Variants in TNRC6B observed in about 807,000 individuals in gnomAD.
The protein encoded by TNRC6B is trinucleotide repeat containing adaptor 6B, also known as trinucleotide repeat-containing gene 6B protein.
TNRC6B carries 52 observed loss-of-function variants against 203.6 expected under a neutral mutation model. The ratio of observed to expected loss-of-function variants is 0.26; its 90% confidence interval spans 0.20 to 0.32. The LOEUF (loss-of-function observed/expected upper bound fraction) is 0.32. TNRC6B is among the 10% of genes least tolerant of loss of function. The pLI, the probability that TNRC6B is intolerant of heterozygous loss-of-function variation, is 1.00. For synonymous variants in TNRC6B, 838 were observed against 845.7 expected (o/e 0.99, Z 0.16); for missense variants, 1,923 against 2,286.2 (o/e 0.84, Z 3.24).
At position 40,265,513 on chromosome 22, in the gene TNRC6B, C is replaced by T. The variant is rs758455090; in HGVS notation, c.1283C>T (p.Ala428Val). 1 of 1,613,834 alleles carries T rather than the reference C, an allele frequency of 6.2e-7. No homozygotes were observed. Among genetic ancestry groups the T allele is most frequent in the Non-Finnish European group, 8.5e-7 (1 of 1,179,810 alleles). Residue 428 changes from alanine to valine, a missense_variant, in exon 5 of 23, where the codon GCT (alanine) becomes GTT (valine). Coordinates refer to ENST00000454349, the MANE Select transcript of TNRC6B (RefSeq NM_001162501.2). ...KTGSVGSWGA[A>V]RGPSGTDTVS... Reference sequence around the variant, plus strand: ...GGGAGTGTTGGATCTTGGGGTGCAGCTAGGGGGCCTTCTGGAACTGACACA... The same window carrying T: ...GGGAGTGTTGGATCTTGGGGTGCAGTTAGGGGGCCTTCTGGAACTGACACA...
intron 4 of TNRC6B, among the ~76,000 whole-genome samples, chr22:40,156,711 G>T (rs966391025): frequency 2.7e-5 from 4 of 150,384 alleles, no homozygotes; most frequent in African/African-American, 4.9e-5. Context: ...AAATAATTCA[G>T]GATCTCTCCC....
chr22:40,175,700 C>T (rs2069049747), upstream of TNRC6B, among the ~76,000 whole-genome samples: 1 of 152,186 alleles, frequency 6.6e-6, no homozygotes, highest in Admixed American at 6.5e-5. Flanking sequence ...TCAGAATTTC[C>T]ATTCTAGTAG....
chr22:40,211,714 A>C (rs1471422971), intron 1 of TNRC6B, among the ~76,000 whole-genome samples: 1 of 152,184 alleles, frequency 6.6e-6, no homozygotes, highest in African/African-American at 2.4e-5. Flanking sequence ...ACGGGACAGC[A>C]GAAGGGTGTC....
At chr22:40,114,247 T>G (rs1002716679) in intron 1 of TNRC6B, among the ~76,000 whole-genome samples, 8 of 152,210 alleles carry the variant, frequency 5.3e-5, no homozygotes, top group African/African-American at 1.9e-4. Flanking sequence ...CTTGCCATAT[T>G]CTCTAGGAAA....
intron 1 of TNRC6B, among the ~76,000 whole-genome samples, chr22:40,224,331 T>C (rs2069754734): frequency 6.6e-6 from 1 of 152,216 alleles, no homozygotes; most frequent in African/African-American, 2.4e-5. Context: ...GAATACTCTA[T>C]TCCCTTATAG....
intron 3 of TNRC6B, among the ~76,000 whole-genome samples, chr22:40,138,306 C>A (rs2068617547): frequency 6.6e-6 from 1 of 152,160 alleles, no homozygotes; most frequent in East Asian, 1.9e-4. Flanking sequence ...CGCTCTGTTG[C>A]TCAGACTATT....
intron 3 of TNRC6B, among the ~76,000 whole-genome samples, chr22:40,154,209 A>ATCCC (rs1486769667): frequency 1.1e-4 from 17 of 152,116 alleles, no homozygotes; most frequent in Admixed American, 5.2e-4. Flanking sequence ...CACTGCTGTA[A>ATCCC]TCCCAGCACT....
Position 40,192,232 on chromosome 22 carries a change from C to T in TNRC6B, c.5+14092C>T, listed in dbSNP as rs573250929. Among the ~76,000 whole-genome samples, 125 of 152,300 alleles carry T rather than the reference C, an allele frequency of 8.2e-4. 1 individual carries two copies. Among genetic ancestry groups the T allele is most frequent in the African/African-American group, 2.7e-3 (114 of 41,564 alleles). On this transcript the variant is annotated intron_variant, in intron 1 of 22. Coordinates refer to ENST00000454349, the MANE Select transcript of TNRC6B (RefSeq NM_001162501.2). ...GTTTTAAAAACTAAACTTGCCTCCACTGATTTTCATGTTAAGGATCCGGTG... is the reference window on the plus strand; with the variant it reads ...GTTTTAAAAACTAAACTTGCCTCCATTGATTTTCATGTTAAGGATCCGGTG...
chr22:40,314,405 A>C (rs1448852899), intron 19 of TNRC6B, among the ~76,000 whole-genome samples: 1 of 152,180 alleles, frequency 6.6e-6, no homozygotes, highest in Non-Finnish European at 1.5e-5. Context: ...CAGTAGTTTA[A>C]ACACTCCATG....
chr22:40,203,744 G>T (rs1174868304), intron 1 of TNRC6B, among the ~76,000 whole-genome samples: 1 of 152,162 alleles, frequency 6.6e-6, no homozygotes, highest in African/African-American at 2.4e-5. Context: ...TTCATTTCCT[G>T]CCACATGGCA....
chr22:40,102,152 A>T (rs6001765), intron 1 of TNRC6B, among the ~76,000 whole-genome samples: 41,887 of 151,962 alleles, frequency 0.28, 7,317 homozygotes, highest in African/African-American at 0.49. Context: ...ATATTTTTTT[A>T]AAAAAACATT....
At chr22:40,218,301 A>AT (rs893875158) in intron 1 of TNRC6B, among the ~76,000 whole-genome samples, 28 of 117,304 alleles carry the variant, frequency 2.4e-4, no homozygotes, top group Non-Finnish European at 3.0e-4. Flanking sequence ...GCAAGAGATG[A>AT]TTTTTTTTTT....
At chr22:40,184,946 G>A (rs569296058) in intron 1 of TNRC6B, among the ~76,000 whole-genome samples, 1 of 152,200 alleles carries the variant, frequency 6.6e-6, no homozygotes, top group South Asian at 2.1e-4. Flanking sequence ...TTACAGGTCC[G>A]GTCTGGAGAT....
rs149318958 is a variant in TNRC6B, at chr22:40,321,380, G to A, written c.5114+151G>A. ...TCTGCAAGTCTCGAGTGTGGAGAGT[G>A]TGGAGGTGCCGGGTCTTTTCCACCA... On this transcript the variant is annotated intron_variant, in intron 22 of 22. Transcript: ENST00000454349. 1.1e-4 allele frequency: 102 copies of A among 938,034 alleles called. No individual in the cohort carries two copies. The East Asian group carries it at 2.6e-3, about 24-fold the overall frequency. 58.1% of individuals were successfully genotyped at this position (938,034 alleles called of 1,614,324 possible).
intron 11 of TNRC6B, 27 bp downstream of exon 11, chr22:40,281,316 T>G: frequency 6.6e-7 from 1 of 1,519,468 alleles, no homozygotes; most frequent in Admixed American, 2.2e-5. Flanking sequence ...AATTTATAAC[T>G]GCTTGGCTAT....
intron 12 of TNRC6B, among the ~76,000 whole-genome samples, chr22:40,293,896 A>G (rs1601497333): frequency 6.6e-6 from 1 of 151,308 alleles, no homozygotes; most frequent in East Asian, 1.9e-4. Flanking sequence ...TTTGTGTGAG[A>G]GACTTGGGTG....
At chr22:40,139,722 A>G (rs2068629548) in intron 3 of TNRC6B, among the ~76,000 whole-genome samples, 1 of 152,194 alleles carries the variant, frequency 6.6e-6, no homozygotes, top group East Asian at 1.9e-4. Context: ...TATGAAATGA[A>G]CATTTTAATG....
At chr22:40,217,603 C>G (rs932388488) in intron 1 of TNRC6B, among the ~76,000 whole-genome samples, 2 of 152,198 alleles carry the variant, frequency 1.3e-5, no homozygotes, top group Admixed American at 6.5e-5. Flanking sequence ...AAAAAGTAGA[C>G]TATGCAGATG....
At position 40,327,662 on chromosome 22, in the gene TNRC6B, C is replaced by T. The variant is rs2071420320; in HGVS notation, c.*4421C>T. Reference sequence around the variant, plus strand: ...ATGTCATGGAAGAGAAGAGCTCTTTCCGTGGTATTCTTTGGCAAGAGCCAT... The same window carrying T: ...ATGTCATGGAAGAGAAGAGCTCTTTTCGTGGTATTCTTTGGCAAGAGCCAT... On this transcript the variant is annotated 3_prime_UTR_variant, in exon 23 of 23. Coordinates refer to ENST00000454349, the MANE Select transcript of TNRC6B (RefSeq NM_001162501.2). 6.6e-6 allele frequency: 1 copy of T among 152,160 alleles called. No homozygotes were observed. The allele number at this position is 152,160 out of a possible 1,614,324, so 9.4% of individuals were successfully genotyped here.
Sources: allele counts gnomAD v4.1 joint callset (sites outside exome capture counted in the v4.1 genomes callset), GRCh38; gene constraint gnomAD v4.1.1; transcripts MANE v1.5; gene names NCBI Gene and HGNC (gene_info 2026-07-23, HGNC 2026-07-21).